The following ERICH1 variants were observed in gnomAD, a reference collection of about 807,000 sequenced individuals.
ERICH1 encodes glutamate rich 1, also known as glutamate-rich protein 1.
ERICH1 carries 56 observed loss-of-function variants against 39.6 expected under a neutral mutation model. That is an observed-to-expected ratio of 1.41 (90% confidence interval 1.14 to 1.77). ERICH1 has a LOEUF of 1.77. Ranked by LOEUF, ERICH1 falls within the 40% of genes most tolerant of loss-of-function variation. The pLI is 0.00. For synonymous variants in ERICH1, 313 were observed against 223.6 expected (o/e 1.40, Z -3.57); for missense variants, 826 against 575.4 (o/e 1.44, Z -4.45).
chr8:624,796 G>A (rs1038464066), intron 3 of ERICH1, among the ~76,000 whole-genome samples: 3 of 151,708 alleles, frequency 2.0e-5, no homozygotes, highest in Admixed American at 6.6e-5. Context: ...GCACGATCTC[G>A]GCTCACTGCA....
chr8:704,031 G>A (rs998824387), intron 2 of ERICH1, among the ~76,000 whole-genome samples: 1 of 152,140 alleles, frequency 6.6e-6, no homozygotes, highest in Non-Finnish European at 1.5e-5. Context: ...ATAGCCACAG[G>A]AATCGAGAAT....
rs1563232940 is a variant in ERICH1 at position 675,103 on chromosome 8, TGAGGACAGAGACGTGGCGGCCCCTCGGC to T, written c.305-1084_305-1057del. Among the ~76,000 whole-genome samples the T allele has an allele frequency of 8.7e-5, 13 of 148,990 alleles. 1 individual carries two copies. Among genetic ancestry groups the T allele is most frequent in the Admixed American group, 2.7e-4 (4 of 14,950 alleles). On this transcript the variant is annotated intron_variant, in intron 3 of 5. Transcript: ENST00000262109. ...AACCATGGCAGTCTCAACACCTCAG[TGAGGACAGAGACGTGGCGGCCCCTCGGC>T]GAGGACAGAGACGCGGCGGCCCCTC...
At chr8:685,043 GC>G (rs1755758540) in intron 3 of ERICH1, among the ~76,000 whole-genome samples, 1 of 152,168 alleles carries the variant, frequency 6.6e-6, no homozygotes, top group African/African-American at 2.4e-5. Flanking sequence ...AATTCACCAG[GC>G]TGGAATCTCC....
intron 5 of ERICH1, among the ~76,000 whole-genome samples, chr8:665,840 TC>T (rs1247564320): frequency 6.6e-6 from 1 of 152,154 alleles, no homozygotes; most frequent in Admixed American, 6.5e-5. Context: ...CACACCTGCT[TC>T]TCAAATGTGA....
chr8:670,455 C>T (rs577524845), intron 4 of ERICH1, among the ~76,000 whole-genome samples: 17 of 152,254 alleles, frequency 1.1e-4, no homozygotes, highest in African/African-American at 4.1e-4. Flanking sequence ...AGAGGGCTCA[C>T]CCTTTGCTCC....
chr8:631,565 G>C (rs948179461), intron 3 of ERICH1, among the ~76,000 whole-genome samples: 5 of 152,102 alleles, frequency 3.3e-5, no homozygotes, highest in Non-Finnish European at 7.4e-5. Context: ...TGAGAATTTC[G>C]GTCTCTCCTC....
intron 2 of ERICH1, among the ~76,000 whole-genome samples, chr8:708,681 G>GTTTTTTGTTTGTTTTTTTTTTTTT: frequency 1.5e-5 from 1 of 65,816 alleles, no homozygotes; most frequent in African/African-American, 5.7e-5. Context: ...GGGATAATGA[G>GTTTTTTGTTTGTTTTTTTTTTTTT]TTTTTTTTTT....
chr8:665,947 T>C (rs945578159), intron 5 of ERICH1: 2 of 152,246 alleles, frequency 1.3e-5, no homozygotes, highest in Non-Finnish European at 2.9e-5. Context: ...AAAACTCGTA[T>C]AGGCCAAGTC....
chr8:693,261 GAC>G (rs914019878), intron 2 of ERICH1, among the ~76,000 whole-genome samples: 1 of 152,088 alleles, frequency 6.6e-6, no homozygotes, highest in East Asian at 1.9e-4. Flanking sequence ...AGCACACACA[GAC>G]ACACATACAT....
At chr8:644,922 G>A (rs1296211526) in intron 3 of ERICH1, among the ~76,000 whole-genome samples, 1 of 68,962 alleles carries the variant, frequency 1.5e-5, no homozygotes, top group African/African-American at 3.6e-5. Context: ...GCTGGGACCC[G>A]AACACACTGT....
At chr8:716,211 G>A (rs973156673) in intron 1 of ERICH1, among the ~76,000 whole-genome samples, 10 of 152,198 alleles carry the variant, frequency 6.6e-5, no homozygotes, top group South Asian at 2.1e-4. Flanking sequence ...AGGCTGGCCC[G>A]AGGACCCCCC....
chr8:638,861 G>A (rs59183076), intron 3 of ERICH1, among the ~76,000 whole-genome samples: 32,568 of 151,986 alleles, frequency 0.21, 3,665 homozygotes, highest in Middle Eastern at 0.32. Flanking sequence ...CTGCCCTTGT[G>A]CGCAATCGCT....
At chr8:633,501 A>T (rs1798182663) in intron 3 of ERICH1, among the ~76,000 whole-genome samples, 1 of 152,174 alleles carries the variant, frequency 6.6e-6, no homozygotes, top group Non-Finnish European at 1.5e-5. Context: ...TTCCTGGGAG[A>T]ATCTCAAGGA....
intron 5 of ERICH1, among the ~76,000 whole-genome samples, chr8:665,054 G>A (rs183931008): frequency 7.8e-4 from 119 of 152,326 alleles, no homozygotes; most frequent in Admixed American, 1.4e-3. Context: ...TCTCAAGGGT[G>A]AGCAAGTAGA....
intron 3 of ERICH1, among the ~76,000 whole-genome samples, chr8:643,004 C>T (rs572355416): frequency 6.6e-6 from 1 of 152,256 alleles, no homozygotes; most frequent in South Asian, 2.1e-4. Flanking sequence ...AAACAAACTG[C>T]GGGTTTTGCT....
intron 2 of ERICH1, among the ~76,000 whole-genome samples, chr8:712,854 A>T (rs1401734383): frequency 1.3e-5 from 2 of 152,210 alleles, no homozygotes; most frequent in Non-Finnish European, 2.9e-5. Flanking sequence ...GATTTTCATT[A>T]CCTGCTTTTT....
intron 3 of ERICH1, among the ~76,000 whole-genome samples, chr8:623,509 T>C (rs929977961): frequency 1.3e-5 from 2 of 152,218 alleles, no homozygotes; most frequent in Non-Finnish European, 2.9e-5. Context: ...TCCAGGTTTA[T>C]TGAGGTATCA....
At chr8:668,454 C>A in intron 5 of ERICH1, 144 bp downstream of exon 5, 1 of 748,550 alleles carries the variant, frequency 1.3e-6, no homozygotes, top group South Asian at 1.7e-5. Flanking sequence ...GCCTGTTTCT[C>A]TCTGGGACTC....
At chr8:618,162 A>G (rs1797047789) in intron 3 of ERICH1, among the ~76,000 whole-genome samples, 1 of 144,914 alleles carries the variant, frequency 6.9e-6, no homozygotes, top group South Asian at 2.2e-4. Context: ...CTGAGTGCTC[A>G]GTACTGAGTA....
Sources: allele counts gnomAD v4.1 joint callset (sites outside exome capture counted in the v4.1 genomes callset), GRCh38; gene constraint gnomAD v4.1.1; transcripts MANE v1.5; gene names NCBI Gene and HGNC (gene_info 2026-07-23, HGNC 2026-07-21).